The following ATP9B variants were observed in gnomAD, a reference collection of about 807,000 sequenced individuals.
ATP9B encodes probable phospholipid-transporting ATPase IIB.
A neutral mutation model predicts 146.1 loss-of-function variants in ATP9B; 110 were observed. That is an observed-to-expected ratio of 0.75 (90% CI 0.65 to 0.88). ATP9B has a LOEUF of 0.88. ATP9B is among the 40% of genes least tolerant of loss of function. The pLI is 0.00. For synonymous variants in ATP9B, 604 were observed against 569.7 expected, an observed-to-expected ratio of 1.06 and a Z score of -0.86; for missense variants, 1,499 against 1,496.4, an observed-to-expected ratio of 1.00 and a Z score of -0.03.
intron 12 of ATP9B, among the ~76,000 whole-genome samples, chr18:79,255,935 A>T (rs1265140729): frequency 6.6e-6 from 1 of 152,170 alleles, no homozygotes; most frequent in East Asian, 1.9e-4. Flanking sequence ...GCTTCATGAC[A>T]CAGAACGTGT....
At chr18:79,163,414 T>A (rs2094913123) in intron 7 of ATP9B, among the ~76,000 whole-genome samples, 1 of 152,344 alleles carries the variant, frequency 6.6e-6, no homozygotes, top group Admixed American at 6.5e-5. Context: ...TTTATGAGAC[T>A]CCAGAGATTC....
rs141662755 is a variant in ATP9B, at chr18:79,144,969, C to G, written c.726+1109C>G. The G allele has an allele frequency of 2.0e-3, 483 of 236,076 alleles. 6 individuals are homozygous for G. Among genetic ancestry groups the G allele is most frequent in the African/African-American group, 0.01 (451 of 43,114 alleles). The allele number at this position is 236,076 out of a possible 1,614,324, so 14.6% of individuals were successfully genotyped here. On this transcript the variant is annotated intron_variant, in intron 6 of 29. Coordinates refer to ENST00000426216, the MANE Select transcript of ATP9B (RefSeq NM_198531.5). The stretch of plus-strand genomic sequence containing the variant: ...TATAAGAAAAACATCAAAGGTCCAA[C>G]GTGGAGATTGTCAGGGCTGCTGGCG...
intron 12 of ATP9B, among the ~76,000 whole-genome samples, chr18:79,260,376 TC>T (rs2096127644): frequency 6.6e-6 from 1 of 150,430 alleles, no homozygotes; most frequent in East Asian, 2.0e-4. Flanking sequence ...GCCCCCATGA[TC>T]CAGTCACCCA....
chr18:79,088,143 C>G (rs1400812418), intron 1 of ATP9B, among the ~76,000 whole-genome samples: 3 of 152,196 alleles, frequency 2.0e-5, no homozygotes, highest in African/African-American at 7.2e-5. Context: ...GGCTCCATTT[C>G]TGGAGTTGAG....
chr18:79,297,526 A>G (rs1460671056), intron 13 of ATP9B, among the ~76,000 whole-genome samples: 3 of 152,202 alleles, frequency 2.0e-5, no homozygotes, highest in Admixed American at 1.3e-4. Context: ...TTGGTAATAT[A>G]TCTACTTTTT....
chr18:79,319,586 C>T (rs923541015), intron 15 of ATP9B, among the ~76,000 whole-genome samples: 2 of 152,218 alleles, frequency 1.3e-5, no homozygotes, highest in Non-Finnish European at 2.9e-5. Context: ...TACGTCTCCA[C>T]TTAACATGAC....
At chr18:79,238,049 C>T (rs1320093342) in intron 11 of ATP9B, among the ~76,000 whole-genome samples, 2 of 151,900 alleles carry the variant, frequency 1.3e-5, no homozygotes, top group Admixed American at 6.6e-5. Context: ...ATTCTGTTTG[C>T]TGCTATTTAA....
chr18:79,073,379 C>G (rs937790434), intron 1 of ATP9B, among the ~76,000 whole-genome samples: 22 of 152,228 alleles, frequency 1.4e-4, no homozygotes, highest in Admixed American at 1.4e-3. Flanking sequence ...GCAATCCCAG[C>G]ACCCCGGGAG....
At chr18:79,282,292 G>A (rs773430756) in intron 13 of ATP9B, among the ~76,000 whole-genome samples, 1 of 152,204 alleles carries the variant, frequency 6.6e-6, no homozygotes, top group Non-Finnish European at 1.5e-5. Flanking sequence ...TGAGAGCATC[G>A]ACTTCAGTTT....
At chr18:79,129,503 C>T (rs184965543) in intron 5 of ATP9B, among the ~76,000 whole-genome samples, 8 of 152,280 alleles carry the variant, frequency 5.3e-5, no homozygotes, top group Admixed American at 4.6e-4. Flanking sequence ...CCTCCTCCCC[C>T]CTGCCCCTCC....
intron 13 of ATP9B, among the ~76,000 whole-genome samples, chr18:79,289,343 T>G (rs1178946387): frequency 1.3e-5 from 2 of 152,206 alleles, no homozygotes; most frequent in East Asian, 3.9e-4. Context: ...TAAACTTCCC[T>G]TCTCACTTCA....
At chr18:79,236,066 G>A (rs891181937) in intron 11 of ATP9B, among the ~76,000 whole-genome samples, 3 of 151,966 alleles carry the variant, frequency 2.0e-5, no homozygotes, top group East Asian at 1.9e-4. Context: ...ACATAATTCC[G>A]GTCTTCTAAA....
At chr18:79,118,567 AT>A (rs1225615370) in intron 4 of ATP9B, among the ~76,000 whole-genome samples, 1 of 151,220 alleles carries the variant, frequency 6.6e-6, no homozygotes, top group African/African-American at 2.4e-5. Flanking sequence ...TGCCCTGCTA[AT>A]TTTTTGTATT....
intron 1 of ATP9B, among the ~76,000 whole-genome samples, chr18:79,094,349 A>G (rs781294710): frequency 2.0e-5 from 3 of 152,202 alleles, no homozygotes; most frequent in East Asian, 3.9e-4. Flanking sequence ...CATGTCTCCA[A>G]TTTCCAGGGT....
chr18:79,250,768 A>C (rs2096014955), intron 11 of ATP9B, among the ~76,000 whole-genome samples: 1 of 152,176 alleles, frequency 6.6e-6, no homozygotes, highest in African/African-American at 2.4e-5. Context: ...CAGCGTTGGG[A>C]ACTTCAGAAC....
chr18:79,137,037 A>G lies in ATP9B; in HGVS notation c.668-6765A>G, dbSNP rs555351354. On this transcript the variant is annotated intron_variant, in intron 5 of 29. Transcript: ENST00000426216. The stretch of plus-strand genomic sequence containing the variant: ...TCCCACAACATGTGGGGAGTATAGG[A>G]ACTACAATTCAAGATGAGAGTTGGG... Among the ~76,000 whole-genome samples the G allele has an allele frequency of 1.6e-4, 24 of 152,346 alleles. No individual in the cohort carries two copies. In the East Asian group the frequency reaches 4.0e-3, roughly 26 times the overall value.
intron 7 of ATP9B, among the ~76,000 whole-genome samples, chr18:79,172,961 C>A (rs140334498): frequency 6.6e-6 from 1 of 152,270 alleles, no homozygotes; most frequent in East Asian, 1.9e-4. Context: ...AAACTCTTTT[C>A]CAGAGTTACA....
chr18:79,137,388 A>G (rs1167841517), intron 5 of ATP9B, among the ~76,000 whole-genome samples: 1 of 152,056 alleles, frequency 6.6e-6, no homozygotes, highest in Non-Finnish European at 1.5e-5. Context: ...GGATATTTTT[A>G]TATTCCTGCA....
intron 12 of ATP9B, among the ~76,000 whole-genome samples, chr18:79,265,571 C>T (rs1200594893): frequency 6.6e-6 from 1 of 152,008 alleles, no homozygotes. Flanking sequence ...GTTTAAGTCC[C>T]GTTTAGGTGC....
Sources: allele counts gnomAD v4.1 joint callset (sites outside exome capture counted in the v4.1 genomes callset), GRCh38; gene constraint gnomAD v4.1.1; transcripts MANE v1.5; gene names NCBI Gene and HGNC (gene_info 2026-07-23, HGNC 2026-07-21).